PATJ: variants seen among roughly 807,000 people sequenced by gnomAD.
The protein encoded by PATJ is PATJ crumbs cell polarity complex component.
A neutral mutation model predicts 224.9 loss-of-function variants in PATJ; 190 were observed. That is an observed-to-expected ratio of 0.84 (90% CI 0.75 to 0.95). PATJ has a LOEUF of 0.95. PATJ is among the 40% of genes least tolerant of loss of function. The pLI is 0.00. For missense variants in PATJ, 2,121 were observed against 2,270.3 expected (o/e 0.93, Z 1.34); for synonymous variants, 769 against 820.3 (o/e 0.94, Z 1.07).
intron 25 of PATJ, among the ~76,000 whole-genome samples, chr1:61,909,460 A>G (rs1486363370): frequency 6.6e-6 from 1 of 152,150 alleles, no homozygotes; most frequent in Non-Finnish European, 1.5e-5. Flanking sequence ...GCTGTTCAAA[A>G]CATAGACACT....
Position 61,769,266 on chromosome 1 carries a change from TAACG to T in PATJ, c.385-16_385-13del. On this transcript the variant is annotated splice_polypyrimidine_tract_variant and intron_variant, in intron 4 of 43. Transcript: ENST00000642238. ...AATGTACACCATTGACTTTTTTTTT[TAACG>T]CTCCTTCATTAGGGCCGGCAAATTG... The T allele has an allele frequency of 1.3e-6, 2 of 1,593,398 alleles. No homozygotes were observed. Among genetic ancestry groups the T allele is most frequent in the Admixed American group, 1.8e-5 (1 of 54,638 alleles).
At chr1:62,118,931 C>T (rs1191155693) in intron 37 of PATJ, among the ~76,000 whole-genome samples, 5 of 151,698 alleles carry the variant, frequency 3.3e-5, no homozygotes, top group Admixed American at 1.3e-4. Flanking sequence ...CGCGCCCAGC[C>T]GCATCTTCAT....
At chr1:62,153,224 A>G (rs1024048443) in intron 42 of PATJ, 134 bp from the exon 43 acceptor site, 6 of 542,730 alleles carry the variant, frequency 1.1e-5, no homozygotes, top group Middle Eastern at 5.3e-4. Flanking sequence ...TTGCTTTCTG[A>G]GAGTTTGATC....
intron 34 of PATJ, among the ~76,000 whole-genome samples, chr1:62,111,206 AC>A (rs1310879079): frequency 1.3e-5 from 2 of 152,202 alleles, no homozygotes; most frequent in East Asian, 1.9e-4. Context: ...TTCACCTTCA[AC>A]CCATAGAGGT....
chr1:62,016,230 T>G (rs1336039298), intron 28 of PATJ, among the ~76,000 whole-genome samples: 2 of 152,218 alleles, frequency 1.3e-5, no homozygotes, highest in African/African-American at 2.4e-5. Context: ...AGGGCCACTT[T>G]TTAGATAGTT....
At chr1:61,744,732 G>A (rs1418085522) in intron 1 of PATJ, among the ~76,000 whole-genome samples, 1 of 152,146 alleles carries the variant, frequency 6.6e-6, no homozygotes, top group Admixed American at 6.6e-5. Context: ...GCATCTAACA[G>A]TTCGATTCTG....
chr1:61,864,532 T>G lies in PATJ; in HGVS notation c.2734T>G (p.Trp912Gly). 6.2e-7 allele frequency: 1 copy of G among 1,613,872 alleles called. No individual in the cohort carries two copies. The highest frequency in any genetic ancestry group is 8.5e-7 in the Non-Finnish European group (1 of 1,179,958). The part of the protein sequence containing the change: ...SVNELHFGTQ[W>G]LHDNEPSESQ... Reference sequence around the variant, plus strand: ...GAATGAACTTCACTTTGGTACACAGTGGTTGCATGATAATGAACCATCCGA... The same window carrying G: ...GAATGAACTTCACTTTGGTACACAGGGGTTGCATGATAATGAACCATCCGA... Residue 912 changes from tryptophan (W) to glycine (G), a missense_variant, in exon 20 of 44, where the codon TGG becomes GGG. By Grantham distance (184) the Trp-to-Gly change is radical. Coordinates refer to ENST00000642238, the MANE Select transcript of PATJ (RefSeq NM_001350145.3).
At chr1:62,104,696 A>G (rs1662671330) in intron 33 of PATJ, among the ~76,000 whole-genome samples, 2 of 152,040 alleles carry the variant, frequency 1.3e-5, no homozygotes, top group Admixed American at 1.3e-4. Flanking sequence ...TTTTTGAGGC[A>G]GAGTCTCATT....
intron 33 of PATJ, among the ~76,000 whole-genome samples, chr1:62,093,239 A>G (rs1296869670): frequency 6.6e-6 from 1 of 152,206 alleles, no homozygotes; most frequent in Non-Finnish European, 1.5e-5. Context: ...AAATTGAAAT[A>G]AAGAATACCT....
At chr1:61,844,131 A>G (rs1266124245) in intron 17 of PATJ, among the ~76,000 whole-genome samples, 1 of 152,220 alleles carries the variant, frequency 6.6e-6, no homozygotes, top group Non-Finnish European at 1.5e-5. Context: ...ACAATATGTT[A>G]TAATTTTAGC....
At position 61,875,283 on chromosome 1, in the gene PATJ, C is replaced by G. The variant is rs1300628395; in HGVS notation, c.2876C>G (p.Pro959Arg). The change falls in exon 21 of 44, where the codon CCA becomes CGA. Residue 959 changes from proline to arginine, a missense_variant. Coordinates refer to ENST00000642238, the MANE Select transcript of PATJ (RefSeq NM_001350145.3). ...GTCATGGAGTCCCTACCATCTGTAC[C>G]ATCAACTGAAGGAAACAGTCAACAA... ...NFVMESLPSV[P>R]STEGNSQQGR... 1 of 1,606,710 alleles carries G rather than the reference C, an allele frequency of 6.2e-7. No homozygotes were observed. Among genetic ancestry groups the G allele is most frequent in the Non-Finnish European group, 8.5e-7 (1 of 1,174,274 alleles).
intron 14 of PATJ, chr1:61,816,625 T>C (rs909336272): frequency 6.6e-6 from 1 of 152,180 alleles, no homozygotes; most frequent in Admixed American, 6.5e-5. Context: ...AAATTTTAAA[T>C]AGATAATATA....
chr1:61,753,821 T>C (rs1375140666), intron 1 of PATJ, among the ~76,000 whole-genome samples: 1 of 151,374 alleles, frequency 6.6e-6, no homozygotes, highest in Non-Finnish European at 1.5e-5. Context: ...ATATATTTTA[T>C]TTATTAAGTT....
chr1:62,144,878 A>G (rs1024814665), intron 41 of PATJ, among the ~76,000 whole-genome samples: 5 of 149,776 alleles, frequency 3.3e-5, no homozygotes, highest in Non-Finnish European at 7.4e-5. Flanking sequence ...TTTATTTTTG[A>G]GACAGTTTTA....
At chr1:62,039,039 A>C in intron 30 of PATJ, 1 of 1,022,504 alleles carries the variant, frequency 9.8e-7, no homozygotes, top group Non-Finnish European at 1.5e-6. Context: ...TGTGTCCAGC[A>C]TCAGATAATG....
intron 13 of PATJ, among the ~76,000 whole-genome samples, chr1:61,806,918 A>G (rs1198451333): frequency 3.3e-5 from 5 of 151,906 alleles, no homozygotes; most frequent in African/African-American, 9.7e-5. Context: ...CTGGGAGGCC[A>G]AGAAGGGTGG....
At chr1:61,929,535 G>A (rs1363381204) in intron 27 of PATJ, among the ~76,000 whole-genome samples, 1 of 152,176 alleles carries the variant, frequency 6.6e-6, no homozygotes, top group East Asian at 1.9e-4. Flanking sequence ...TTTATGTGTA[G>A]TATTAACTCA....
chr1:62,013,276 G>T (rs1415853447), intron 28 of PATJ: 1 of 860,724 alleles, frequency 1.2e-6, no homozygotes, highest in Non-Finnish European at 1.4e-6. Flanking sequence ...CCATAAACAT[G>T]AAACAGTTAG....
At chr1:62,043,779 G>A (rs1461260710) in intron 30 of PATJ, among the ~76,000 whole-genome samples, 1 of 152,066 alleles carries the variant, frequency 6.6e-6, no homozygotes, top group East Asian at 1.9e-4. Flanking sequence ...CCAGGCTGGA[G>A]TGCAGTGGCA....
Sources: allele counts gnomAD v4.1 joint callset (sites outside exome capture counted in the v4.1 genomes callset), GRCh38; gene constraint gnomAD v4.1.1; transcripts MANE v1.5; gene names NCBI Gene and HGNC (gene_info 2026-07-23, HGNC 2026-07-21).